PARD3B: variants seen among roughly 807,000 people sequenced by gnomAD.
PARD3B encodes par-3 family cell polarity regulator beta.
In PARD3B, 103 loss-of-function variants were observed where a neutral mutation model predicts 130.2. The ratio of observed to expected loss-of-function variants is 0.79; its 90% confidence interval spans 0.67 to 0.93. The LOEUF (loss-of-function observed/expected upper bound fraction) is 0.93. Ranked by LOEUF, PARD3B falls within the 40% of genes least tolerant of loss-of-function variation. The probability of loss-of-function intolerance (pLI) is 0.00; values close to 1 mark genes in which losing one functional copy is unlikely to be tolerated. For synonymous variants in PARD3B, 583 were observed against 553.2 expected, an observed-to-expected ratio of 1.05 and a Z score of -0.76; for missense variants, 1,609 against 1,499.2, an observed-to-expected ratio of 1.07 and a Z score of -1.21.
chr2:204,554,682 C>A (rs1476780219), intron 1 of PARD3B, among the ~76,000 whole-genome samples: 1 of 151,762 alleles, frequency 6.6e-6, no homozygotes, highest in East Asian at 1.9e-4. Context: ...CTCTCCTTAA[C>A]ACAAAAGCTA....
At position 205,201,284 on chromosome 2, in the gene PARD3B, A is replaced by G. The variant is rs151235744; in HGVS notation, c.2140+7964A>G. Among the ~76,000 whole-genome samples, 1,037 of 152,316 alleles carry G rather than the reference A, an allele frequency of 6.8e-3. 7 individuals are homozygous for G. The highest frequency in any genetic ancestry group is 0.023 in the African/African-American group (967 of 41,588). On this transcript the variant is annotated intron_variant, in intron 15 of 22. Coordinates refer to ENST00000406610, the MANE Select transcript of PARD3B (RefSeq NM_001302769.2). ...ACCCCAGATACATCAAGCAATGATAATCACATCAGAAGATACATCACATTT... is the reference window on the plus strand; with the variant it reads ...ACCCCAGATACATCAAGCAATGATAGTCACATCAGAAGATACATCACATTT...
At chr2:204,562,552 A>C (rs1037470503) in intron 1 of PARD3B, among the ~76,000 whole-genome samples, 1 of 152,172 alleles carries the variant, frequency 6.6e-6, no homozygotes, top group Non-Finnish European at 1.5e-5. Context: ...TGGCTTTATA[A>C]AATCTTCGAG....
At chr2:204,756,280 GTTTC>G (rs1181420236) in intron 2 of PARD3B, among the ~76,000 whole-genome samples, 5 of 152,026 alleles carry the variant, frequency 3.3e-5, no homozygotes, top group Non-Finnish European at 5.9e-5. Flanking sequence ...ATCAGTTGGT[GTTTC>G]TTTATGATAT....
At chr2:204,663,354 G>A (rs1280757890) in intron 1 of PARD3B, among the ~76,000 whole-genome samples, 1 of 152,138 alleles carries the variant, frequency 6.6e-6, no homozygotes, top group Non-Finnish European at 1.5e-5. Context: ...AATATCACCC[G>A]CATCCCTTAG....
chr2:205,115,769 A>G (rs1231457338), intron 6 of PARD3B, among the ~76,000 whole-genome samples: 1 of 152,164 alleles, frequency 6.6e-6, no homozygotes, highest in African/African-American at 2.4e-5. Flanking sequence ...TCATAATGCC[A>G]TATGGTTTCA....
chr2:204,546,327 C>T (rs1424259173), intron 1 of PARD3B, among the ~76,000 whole-genome samples: 1 of 152,106 alleles, frequency 6.6e-6, no homozygotes, highest in East Asian at 1.9e-4. Flanking sequence ...AGTGGACCTG[C>T]AGCATTGGAA....
At chr2:205,161,462 G>T (rs1370164492) in intron 11 of PARD3B, among the ~76,000 whole-genome samples, 2 of 152,094 alleles carry the variant, frequency 1.3e-5, no homozygotes, top group Admixed American at 1.3e-4. Flanking sequence ...TTTACCTTTT[G>T]CAGTGTAAAG....
chr2:205,584,456 T>C lies in PARD3B; in HGVS notation c.3261-31000T>C, dbSNP rs2054118824. Among the ~76,000 whole-genome samples the C allele has an allele frequency of 6.6e-6, 1 of 152,116 alleles. No homozygotes were observed. Among genetic ancestry groups the C allele is most frequent in the Non-Finnish European group, 1.5e-5 (1 of 68,022 alleles). ...ACTTTAGGAGGCCGAGGCAGGCCGA[T>C]CACCTGACGTCAGGAGTTCGAGACC... On this transcript the variant is annotated intron_variant, in intron 22 of 22. Transcript: ENST00000406610. The surrounding 1 kb of genome is among the most constrained non-coding windows in gnomAD (Gnocchi z 5.5).
intron 2 of PARD3B, among the ~76,000 whole-genome samples, chr2:204,945,691 T>A (rs893438280): frequency 6.6e-6 from 1 of 152,170 alleles, no homozygotes; most frequent in Non-Finnish European, 1.5e-5. Flanking sequence ...CATAGGGTTA[T>A]TAGGATGGAA....
intron 21 of PARD3B, among the ~76,000 whole-genome samples, chr2:205,537,639 G>T (rs2051922403): frequency 6.6e-6 from 1 of 152,136 alleles, no homozygotes; most frequent in African/African-American, 2.4e-5. Flanking sequence ...AATGGCTGAG[G>T]TCAGTAGTTG....
chr2:205,057,403 TTATA>T (rs1385644967), intron 4 of PARD3B, among the ~76,000 whole-genome samples: 2 of 134,838 alleles, frequency 1.5e-5, no homozygotes, highest in Non-Finnish European at 3.2e-5. Flanking sequence ...TGTATATGTG[TTATA>T]TACATATACA....
At chr2:204,940,991 T>C (rs1688854562) in intron 2 of PARD3B, among the ~76,000 whole-genome samples, 1 of 152,186 alleles carries the variant, frequency 6.6e-6, no homozygotes, top group Admixed American at 6.5e-5. Flanking sequence ...AGATAGTTGA[T>C]GGAGTAGCAG....
At chr2:205,328,244 T>C (rs1382362637) in intron 18 of PARD3B, among the ~76,000 whole-genome samples, 1 of 152,206 alleles carries the variant, frequency 6.6e-6, no homozygotes, top group African/African-American at 2.4e-5. Flanking sequence ...TGCCCTGGTT[T>C]TCCATTTATT....
At chr2:204,721,194 C>T (rs1412320690) in intron 2 of PARD3B, among the ~76,000 whole-genome samples, 1 of 152,106 alleles carries the variant, frequency 6.6e-6, no homozygotes, top group Non-Finnish European at 1.5e-5. Flanking sequence ...TTGAGGGAGA[C>T]AATAAGTAGT....
chr2:204,984,935 C>A (rs1189375639), intron 3 of PARD3B, among the ~76,000 whole-genome samples: 1 of 143,080 alleles, frequency 7.0e-6, no homozygotes, highest in Non-Finnish European at 1.5e-5. Flanking sequence ...CCCCAGATGA[C>A]TTCAAGGTAT....
intron 18 of PARD3B, among the ~76,000 whole-genome samples, chr2:205,338,178 A>AAAAAAAAAAAAAAAAAAAAAAAAAAAC (rs35707832): frequency 8.1e-6 from 1 of 123,488 alleles, no homozygotes; most frequent in African/African-American, 2.7e-5. Context: ...AAAAAAAAAA[A>AAAAAAAAAAAAAAAAAAAAAAAAAAAC]GGCTTCATGA....
chr2:204,953,089 CAG>C (rs1357676401), intron 2 of PARD3B, among the ~76,000 whole-genome samples: 2 of 65,278 alleles, frequency 3.1e-5, no homozygotes, highest in African/African-American at 6.3e-5. Flanking sequence ...GAGAGAGAGA[CAG>C]AGTCAATGTC....
At chr2:205,396,155 C>G (rs2046020915) in intron 18 of PARD3B, among the ~76,000 whole-genome samples, 1 of 152,198 alleles carries the variant, frequency 6.6e-6, no homozygotes, top group African/African-American at 2.4e-5. Flanking sequence ...ACTTCTCACT[C>G]TTATATTCTC....
chr2:205,289,113 C>T (rs1477049717), intron 16 of PARD3B, among the ~76,000 whole-genome samples: 1 of 152,124 alleles, frequency 6.6e-6, no homozygotes, highest in Non-Finnish European at 1.5e-5. Flanking sequence ...GTTACTTCTT[C>T]ATGAAAAATA....
Sources: gnomAD v4.1 joint callset for allele counts (sites outside exome capture counted in the v4.1 genomes callset) on GRCh38, gnomAD v4.1.1 for gene constraint, Gnocchi (gnomAD v3.1) non-coding constraint, MANE v1.5 for transcripts, NCBI Gene and HGNC (gene_info 2026-07-23, HGNC 2026-07-21) for gene names.